DAAM1: variants seen among roughly 807,000 people sequenced by gnomAD.
DAAM1 encodes dishevelled associated activator of morphogenesis 1.
DAAM1 carries 52 observed loss-of-function variants against 130.0 expected under a neutral mutation model. The ratio of observed to expected loss-of-function variants is 0.40; its 90% CI spans 0.32 to 0.50. DAAM1 has a LOEUF of 0.50. Ranked by LOEUF, DAAM1 falls within the 20% of genes least tolerant of loss-of-function variation. The pLI is 0.61. For synonymous variants in DAAM1, 452 were observed against 444.5 expected (o/e 1.02, Z -0.21); for missense variants, 1,134 against 1,303.8 (o/e 0.87, Z 2.01).
intron 17 of DAAM1, among the ~76,000 whole-genome samples, chr14:59,350,728 G>A (rs1356260797): frequency 6.6e-6 from 1 of 152,120 alleles, no homozygotes; most frequent in East Asian, 1.9e-4. Context: ...GCTGCATGCT[G>A]AAATGCTGTC....
At chr14:59,244,675 T>C (rs1464980744) in intron 1 of DAAM1, among the ~76,000 whole-genome samples, 3 of 152,210 alleles carry the variant, frequency 2.0e-5, no homozygotes, top group Admixed American at 2.0e-4. Context: ...CTGTCAATTG[T>C]ACCTTTTTGA....
chr14:59,270,828 C>T (rs984115277), intron 2 of DAAM1, among the ~76,000 whole-genome samples: 6 of 152,144 alleles, frequency 3.9e-5, no homozygotes, highest in African/African-American at 1.4e-4. Context: ...CTGTGACCCT[C>T]AGCTTTTTTA....
At chr14:59,193,888 T>TAA (rs1164083837) in intron 1 of DAAM1, among the ~76,000 whole-genome samples, 2 of 152,216 alleles carry the variant, frequency 1.3e-5, no homozygotes, top group African/African-American at 4.8e-5. Flanking sequence ...ACACAACACT[T>TAA]ACAGCTAATT....
At chr14:59,354,277 G>T (rs1236581098) in intron 19 of DAAM1, among the ~76,000 whole-genome samples, 2 of 152,156 alleles carry the variant, frequency 1.3e-5, no homozygotes, top group African/African-American at 4.8e-5. Context: ...AGCCAGGATG[G>T]TCTCAATCTC....
chr14:59,228,207 A>C (rs1386118264), intron 1 of DAAM1, among the ~76,000 whole-genome samples: 1 of 152,188 alleles, frequency 6.6e-6, no homozygotes, highest in Admixed American at 6.5e-5. Context: ...CAGTGTCAAC[A>C]TTCTGTCATT....
intron 15 of DAAM1, among the ~76,000 whole-genome samples, chr14:59,332,440 A>G (rs145467733): frequency 3.9e-5 from 6 of 152,348 alleles, no homozygotes; most frequent in African/African-American, 7.2e-5. Context: ...TGTCATGAAC[A>G]GAAGTGGGGT....
intron 15 of DAAM1, among the ~76,000 whole-genome samples, chr14:59,335,655 C>T (rs772848155): frequency 2.6e-5 from 4 of 152,092 alleles, no homozygotes; most frequent in Non-Finnish European, 5.9e-5. Context: ...TTCCTTCCCC[C>T]TGATCTTTGC....
At chr14:59,221,803 G>A (rs1374068614) in intron 1 of DAAM1, among the ~76,000 whole-genome samples, 1 of 152,196 alleles carries the variant, frequency 6.6e-6, no homozygotes, top group Non-Finnish European at 1.5e-5. Flanking sequence ...CATTTCAATG[G>A]AATTATTGTT....
In DAAM1 at chr14:59,366,477, A is replaced by C. The variant is rs575088737; in HGVS notation, c.2827-952A>C. Among the ~76,000 whole-genome samples, 21 of 152,248 alleles carry C rather than the reference A, an allele frequency of 1.4e-4. 1 individual carries two copies. In the South Asian group the frequency reaches 3.9e-3, roughly 29 times the overall value. On this transcript the variant is annotated intron_variant, in intron 23 of 24. Coordinates refer to ENST00000360909, the MANE Select transcript of DAAM1 (RefSeq NM_001270520.2). ...ATATGGCACCAGTAAATGATATTAA[A>C]CTACTTCAAAGACAAGTTAAAAGTA... is the stretch of plus-strand genomic sequence containing the variant.
At chr14:59,301,452 TCTTC>T (rs2139582793) in intron 3 of DAAM1, among the ~76,000 whole-genome samples, 1 of 152,208 alleles carries the variant, frequency 6.6e-6, no homozygotes, top group South Asian at 2.1e-4. Flanking sequence ...TACAGTTCAC[TCTTC>T]CTTTCATCTA....
At position 59,335,651 on chromosome 14, in the gene DAAM1, C is replaced by T. The variant is rs538814917; in HGVS notation, c.1968+3731C>T. The stretch of plus-strand genomic sequence containing the variant: ...ATTCACAGTTCACTATCTCTTCCTT[C>T]CCCCTGATCTTTGCTTGAGGACAGC... On this transcript the variant is annotated intron_variant, in intron 15 of 24. Coordinates refer to ENST00000360909, the MANE Select transcript of DAAM1 (RefSeq NM_001270520.2). 2.8e-4 allele frequency among the ~76,000 whole-genome samples: 42 copies of T among 152,184 alleles called. 1 individual carries two copies. The highest frequency in any genetic ancestry group is 9.9e-4 in the African/African-American group (41 of 41,540).
intron 1 of DAAM1, among the ~76,000 whole-genome samples, chr14:59,232,962 G>A (rs1889159184): frequency 6.6e-6 from 1 of 152,132 alleles, no homozygotes; most frequent in African/African-American, 2.4e-5. Context: ...TCCCTGCAAA[G>A]GACATGAGCT....
intron 3 of DAAM1, among the ~76,000 whole-genome samples, chr14:59,314,072 G>T (rs1884693705): frequency 6.6e-6 from 1 of 152,096 alleles, no homozygotes; most frequent in Non-Finnish European, 1.5e-5. Flanking sequence ...GTGTAGACCT[G>T]TCTGGAAAGA....
intron 3 of DAAM1, among the ~76,000 whole-genome samples, chr14:59,305,482 G>T (rs140164283): frequency 7.8e-4 from 119 of 152,292 alleles, no homozygotes; most frequent in Non-Finnish European, 2.2e-4. Context: ...ATAATGACTT[G>T]TTAAAATAAA....
chr14:59,213,973 C>T (rs749406974), intron 1 of DAAM1, among the ~76,000 whole-genome samples: 7 of 152,216 alleles, frequency 4.6e-5, no homozygotes, highest in South Asian at 2.1e-4. Context: ...TCACCTATTT[C>T]CATTATTAAA....
chr14:59,243,753 A>G (rs999900268), intron 1 of DAAM1, among the ~76,000 whole-genome samples: 2 of 152,138 alleles, frequency 1.3e-5, no homozygotes, highest in African/African-American at 4.8e-5. Context: ...GACTGAATAC[A>G]GCTGTTTCAT....
At chr14:59,216,538 T>A (rs533383246) in intron 1 of DAAM1, among the ~76,000 whole-genome samples, 1 of 152,262 alleles carries the variant, frequency 6.6e-6, no homozygotes, top group South Asian at 2.1e-4. Context: ...CTGGCCAACA[T>A]GGTGAAAGCT....
At chr14:59,242,181 T>TC (rs1002694430) in intron 1 of DAAM1, among the ~76,000 whole-genome samples, 2 of 152,160 alleles carry the variant, frequency 1.3e-5, no homozygotes, top group Non-Finnish European at 2.9e-5. Context: ...TAGTAATATT[T>TC]TTTTCCAGCT....
chr14:59,281,898 T>G (rs1384883387), intron 2 of DAAM1, among the ~76,000 whole-genome samples: 1 of 152,092 alleles, frequency 6.6e-6, no homozygotes, highest in African/African-American at 2.4e-5. Context: ...ATCTTATTAT[T>G]ATTATACCCT....
Sources: allele counts gnomAD v4.1 joint callset (sites outside exome capture counted in the v4.1 genomes callset), GRCh38; gene constraint gnomAD v4.1.1; transcripts MANE v1.5; gene names NCBI Gene and HGNC (gene_info 2026-07-23, HGNC 2026-07-21).